The following TRIM36 variants were observed in gnomAD, a reference collection of about 807,000 sequenced individuals.
The protein encoded by TRIM36 is E3 ubiquitin-protein ligase TRIM36.
A neutral mutation model predicts 72.4 loss-of-function variants in TRIM36; 42 were observed. The ratio of observed to expected loss-of-function variants is 0.58; its 90% confidence interval spans 0.45 to 0.75. The LOEUF (loss-of-function observed/expected upper bound fraction) is 0.75, where lower values mean the gene tolerates loss of function less well. Ranked by LOEUF, TRIM36 falls within the 30% of genes least tolerant of loss-of-function variation. The pLI, the probability that TRIM36 is intolerant of heterozygous loss-of-function variation, is 0.00. For missense variants in TRIM36, 913 were observed against 857.1 expected (o/e 1.07, Z -0.81); for synonymous variants, 315 against 282.8 (o/e 1.11, Z -1.14).
chr5:115,174,039 G>A (rs1755231247), upstream of TRIM36: 1 of 152,176 alleles, frequency 6.6e-6, no homozygotes, highest in Non-Finnish European at 1.5e-5. Flanking sequence ...TGATAAAACA[G>A]AGCCTCAATC....
In TRIM36 at chr5:115,178,047, C is replaced by G. The variant is rs1274189435; in HGVS notation, c.63+1928G>C. ...TTATAAGGAGTTTTAATGGTTCTGC[C>G]CTACTTCCCCATTTCGTGTTCATAG... On this transcript the variant is annotated intron_variant, in intron 1 of 9. Coordinates refer to the TRIM36 transcript ENST00000282369. Among the ~76,000 whole-genome samples the G allele has an allele frequency of 2.0e-5, 3 of 147,622 alleles. No individual in the cohort carries two copies. The East Asian group carries it at 5.8e-4, about 28-fold the overall frequency.
intron 2 of TRIM36, among the ~76,000 whole-genome samples, chr5:115,158,010 C>T (rs1754274846): frequency 6.6e-6 from 1 of 152,082 alleles, no homozygotes; most frequent in African/African-American, 2.4e-5. Context: ...AAATAGGGTG[C>T]AGTGGATACT....
At chr5:115,154,080 G>T (rs1754035748) in intron 2 of TRIM36, among the ~76,000 whole-genome samples, 1 of 143,106 alleles carries the variant, frequency 7.0e-6, no homozygotes, top group Admixed American at 7.0e-5. Flanking sequence ...TCCTGAATGA[G>T]CACAGGGTCA....
upstream of TRIM36, chr5:115,170,966 A>G: frequency 7.4e-7 from 1 of 1,353,210 alleles, no homozygotes; most frequent in Non-Finnish European, 1.0e-6. Context: ...CGGAGAACAA[A>G]TTAATTTAGG....
At chr5:115,132,272 G>A (rs564504153) in intron 8 of TRIM36, among the ~76,000 whole-genome samples, 109 of 151,484 alleles carry the variant, frequency 7.2e-4, no homozygotes, top group African/African-American at 2.4e-3. Flanking sequence ...GGTGGCTCAC[G>A]TCTATAATTC....
At position 115,133,932 on chromosome 5, in the gene TRIM36, C is replaced by T; in HGVS notation, c.1426G>A (p.Val476Ile). Residue 476 changes from valine (V) to isoleucine (I), a missense_variant, in exon 8 of 10, where the codon GTA becomes ATA. Val to Ile is a conservative substitution (Grantham distance 29). Coordinates refer to ENST00000513154, the MANE Select transcript of TRIM36 (RefSeq NM_001300759.2). ...CAGATTGAACCCTTGTAAGCTCTTA[C>T]TCTGAAAGCATAGGTACTACTGTTT... ...LENSSTYAFRVRAYKGSICSP... is the reference protein window; with the variant it reads ...LENSSTYAFRIRAYKGSICSP... The T allele has an allele frequency of 6.2e-7, 1 of 1,613,564 alleles. No individual in the cohort carries two copies. The highest frequency in any genetic ancestry group is 8.5e-7 in the Non-Finnish European group (1 of 1,179,840).
At chr5:115,131,651 T>C (rs1752684757) in intron 8 of TRIM36, among the ~76,000 whole-genome samples, 1 of 152,190 alleles carries the variant, frequency 6.6e-6, no homozygotes, top group South Asian at 2.1e-4. Context: ...AAGATTTGGA[T>C]ACATGCTACA....
intron 1 of TRIM36, among the ~76,000 whole-genome samples, chr5:115,165,484 G>A (rs371668448): frequency 3.3e-4 from 51 of 152,328 alleles, no homozygotes; most frequent in African/African-American, 1.2e-3. Flanking sequence ...ACCAAGGCTT[G>A]CACCCTCTGA....
chr5:115,130,894 A>T lies in TRIM36; in HGVS notation c.1499-5T>A. The stretch of plus-strand genomic sequence containing the variant: ...CATCAAAGAGGAAGCTGAAAACTAA[A>T]TGGAGCTTAAAATTAATATCAGGCT... On this transcript the variant is annotated splice_region_variant and splice_polypyrimidine_tract_variant and intron_variant, in intron 8 of 9. Coordinates refer to ENST00000513154, the MANE Select transcript of TRIM36 (RefSeq NM_001300759.2). 6.2e-7 allele frequency: 1 copy of T among 1,600,378 alleles called. No homozygotes were observed. Among genetic ancestry groups the T allele is most frequent in the Non-Finnish European group, 8.5e-7 (1 of 1,172,276 alleles).
chr5:115,170,843 AC>A (rs1176529509), upstream of TRIM36, among the ~76,000 whole-genome samples: 9 of 152,112 alleles, frequency 5.9e-5, no homozygotes, highest in East Asian at 1.8e-3. Context: ...GCACCCCCGC[AC>A]CCCCGCGGGG....
rs1752361086 is a variant in TRIM36 at position 115,126,467 on chromosome 5, TAC to T, written c.*34_*35del. On this transcript the variant is annotated 3_prime_UTR_variant, in exon 10 of 10. Coordinates refer to ENST00000513154, the MANE Select transcript of TRIM36 (RefSeq NM_001300759.2). ...GTTAACGCTAAGGCATTGCTTTGTT[TAC>T]AGTTTTTATCCTGAGTCACATCAGA... 1.9e-6 allele frequency: 3 copies of T among 1,550,594 alleles called. No homozygotes were observed. The highest frequency in any genetic ancestry group is 2.6e-6 in the Non-Finnish European group (3 of 1,134,664).
chr5:115,135,465 GA>G (rs1752912905), intron 7 of TRIM36, among the ~76,000 whole-genome samples: 1 of 143,714 alleles, frequency 7.0e-6, no homozygotes, highest in Non-Finnish European at 1.5e-5. Flanking sequence ...TTCTTTTTTT[GA>G]AACATAGCTT....
chr5:115,170,225 G>C (rs1477657677), upstream of TRIM36, among the ~76,000 whole-genome samples: 2 of 151,996 alleles, frequency 1.3e-5, no homozygotes, highest in African/African-American at 2.4e-5. Flanking sequence ...AGCGGGGAGC[G>C]GTGGGCGGGT....
chr5:115,135,009 T>G (rs866370147), intron 7 of TRIM36, among the ~76,000 whole-genome samples: 33 of 152,354 alleles, frequency 2.2e-4, no homozygotes, highest in African/African-American at 7.9e-4. Context: ...ATAACCTTTT[T>G]GTATAGATCT....
chr5:115,175,673 G>T (rs1321416369), intron 1 of TRIM36, among the ~76,000 whole-genome samples: 2 of 138,530 alleles, frequency 1.4e-5, no homozygotes, highest in Non-Finnish European at 1.6e-5. Flanking sequence ...TATCTTTAGC[G>T]CAATATAGTA....
chr5:115,132,068 C>T (rs1332506363), intron 8 of TRIM36, among the ~76,000 whole-genome samples: 1 of 151,954 alleles, frequency 6.6e-6, no homozygotes, highest in Non-Finnish European at 1.5e-5. Flanking sequence ...GACCCCCAGG[C>T]ATCATAGTGC....
chr5:115,151,255 G>A (rs1005283519), intron 2 of TRIM36, among the ~76,000 whole-genome samples: 2 of 152,146 alleles, frequency 1.3e-5, no homozygotes, highest in African/African-American at 4.8e-5. Flanking sequence ...GTGACTGCCG[G>A]CTTTCCTTCA....
Position 115,126,573 on chromosome 5 carries a change from A to C in TRIM36, c.2081T>G (p.Met694Arg), listed in dbSNP as rs1267893535. 1 of 1,613,832 alleles carries C rather than the reference A, an allele frequency of 6.2e-7. No individual in the cohort carries two copies. Among genetic ancestry groups the C allele is most frequent in the Non-Finnish European group, 8.5e-7 (1 of 1,179,854 alleles). Reference protein sequence around the residue: ...SHTLYPAFALMGSGGIQLEEP... With the variant: ...SHTLYPAFALRGSGGIQLEEP... ...TTCAAGCTGAATTCCTCCACTGCCC[A>C]TTAATGCAAATGCTGGATACAGTGT... Residue 694 changes from methionine (M) to arginine (R), a missense_variant, in exon 10 of 10, where the codon ATG (methionine) becomes AGG (arginine). Physicochemically the swap from Met to Arg is moderately conservative, Grantham distance 91. Transcript: ENST00000513154.
intron 9 of TRIM36, 79 bp from the exon 10 acceptor site, chr5:115,126,936 A>C: frequency 3.1e-6 from 4 of 1,300,732 alleles, no homozygotes; most frequent in Non-Finnish European, 4.2e-6. Flanking sequence ...GATAATATAC[A>C]TTGATGTAAA....
Sources: gnomAD v4.1 joint callset for allele counts (sites outside exome capture counted in the v4.1 genomes callset) on GRCh38, gnomAD v4.1.1 for gene constraint, MANE v1.5 for transcripts, NCBI Gene and HGNC (gene_info 2026-07-23, HGNC 2026-07-21) for gene names.